RBFOX3: variants seen among roughly 807,000 people sequenced by gnomAD.
The protein encoded by RBFOX3 is RNA binding fox-1 homolog 3, also known as RNA binding protein fox-1 homolog 3.
RBFOX3 carries 17 observed loss-of-function variants against 48.7 expected under a neutral mutation model. The ratio of observed to expected loss-of-function variants is 0.35; its 90% CI spans 0.24 to 0.52. RBFOX3 has a LOEUF of 0.52. RBFOX3 is among the 20% of genes least tolerant of loss of function. The pLI is 0.94. For missense variants in RBFOX3, 382 were observed against 497.5 expected (o/e 0.77, Z 2.21); for synonymous variants, 212 against 209.5 (o/e 1.01, Z -0.10).
rs116946117 is a variant in RBFOX3 at position 79,193,699 on chromosome 17, T to A, written c.-34+42067A>T. 3.5e-3 allele frequency among the ~76,000 whole-genome samples: 532 copies of A among 152,334 alleles called. 3 individuals carry two copies. Among genetic ancestry groups the A allele is most frequent in the Non-Finnish European group, 5.5e-3 (376 of 68,030 alleles). ...AGTGTGGGTAATTGGAAATCCACAC[T>A]GGGAAGACTAGAATCTTTACTGTAT... On this transcript the variant is annotated intron_variant, in intron 4 of 14. Coordinates refer to ENST00000693108, the MANE Select transcript of RBFOX3 (RefSeq NM_001350451.2).
At chr17:79,387,666 G>A (rs12453207) in intron 2 of RBFOX3, among the ~76,000 whole-genome samples, 9,851 of 152,282 alleles carry the variant, frequency 0.065, 400 homozygotes, top group East Asian at 0.19. Flanking sequence ...CCATGTTGTT[G>A]GACTGGGGGC....
intron 2 of RBFOX3, among the ~76,000 whole-genome samples, chr17:79,464,852 G>T (rs762254407): frequency 3.9e-5 from 6 of 152,200 alleles, no homozygotes; most frequent in Non-Finnish European, 8.8e-5. Flanking sequence ...CACAGTGCTC[G>T]CCCTGTTGTG....
At position 79,103,368 on chromosome 17, in the gene RBFOX3, AG is replaced by A; in HGVS notation, c.415-115del. ...GGGGGGCAGGGGAGTGGGGAGAGAG[AG>A]AGAAGGGGTTGAGTCAGGTGAGTTG... On this transcript the variant is annotated intron_variant, in intron 7 of 14. Transcript: ENST00000693108. This position sits in a 1 kb window ranked among gnomAD's most constrained non-coding sequence, Gnocchi z 6.1. 1.4e-6 allele frequency: 1 copy of A among 735,128 alleles called. No homozygotes were observed. Among genetic ancestry groups the A allele is most frequent in the Non-Finnish European group, 2.4e-6 (1 of 423,716 alleles). 45.5% of individuals were successfully genotyped at this position (735,128 alleles called of 1,614,324 possible).
chr17:79,143,381 G>A (rs866268426), intron 4 of RBFOX3, among the ~76,000 whole-genome samples: 5 of 39,520 alleles, frequency 1.3e-4, no homozygotes, highest in Admixed American at 4.7e-4. Flanking sequence ...AGCGGGGGGT[G>A]GGGGGGGGTT....
intron 4 of RBFOX3, among the ~76,000 whole-genome samples, chr17:79,177,268 G>A (rs908543090): frequency 1.4e-4 from 21 of 152,294 alleles, no homozygotes; most frequent in African/African-American, 4.8e-4. Flanking sequence ...CCACCTTTGG[G>A]TTGTGTCCCC....
chr17:79,630,615 C>T, the RBFOX3 span, among the ~76,000 whole-genome samples: 1 of 152,098 alleles, frequency 6.6e-6, no homozygotes, highest in African/African-American at 2.4e-5. Context: ...TCAGGGGCTT[C>T]TCAGGAAAAG....
intron 3 of RBFOX3, among the ~76,000 whole-genome samples, chr17:79,239,469 A>G (rs901378524): frequency 7.9e-5 from 12 of 152,212 alleles, no homozygotes; most frequent in African/African-American, 2.9e-4. Context: ...CCAAGTGCAC[A>G]TGCAGTCACA....
chr17:79,219,035 C>T (rs935538408), intron 4 of RBFOX3, among the ~76,000 whole-genome samples: 2 of 152,244 alleles, frequency 1.3e-5, no homozygotes, highest in Non-Finnish European at 2.9e-5. Flanking sequence ...GCTGGACCCA[C>T]AGTCCAGCTG....
the RBFOX3 span, among the ~76,000 whole-genome samples, chr17:79,632,810 G>A: frequency 6.6e-6 from 1 of 151,982 alleles, no homozygotes; most frequent in Non-Finnish European, 1.5e-5. Flanking sequence ...TACTTAGGAG[G>A]CTAAGTAAGG....
intron 4 of RBFOX3, among the ~76,000 whole-genome samples, chr17:79,129,108 C>G (rs917391205): frequency 2.6e-5 from 4 of 152,142 alleles, no homozygotes; most frequent in African/African-American, 9.7e-5. Context: ...ATGGCAGGTG[C>G]TCAGTAAATG....
chr17:79,659,009 G>A, the RBFOX3 span, among the ~76,000 whole-genome samples: 16 of 152,182 alleles, frequency 1.1e-4, no homozygotes, highest in South Asian at 1.0e-3. Flanking sequence ...AGTGTGGTCC[G>A]GGCAGCTCTT....
chr17:79,611,169 T>TCTCTCTCTCTCTCTCTCGCTCTCG, upstream of RBFOX3, among the ~76,000 whole-genome samples: 73 of 25,926 alleles, frequency 2.8e-3, 10 homozygotes, highest in Non-Finnish European at 4.6e-3. Flanking sequence ...TCTCTCTCTC[T>TCTCTCTCTCTCTCTCTCGCTCTCG]CTCTCCGCCC....
Position 79,094,506 on chromosome 17 carries a change from G to A in RBFOX3, c.1022C>T (p.Ala341Val), listed in dbSNP as rs866305742. 1.4e-6 allele frequency: 2 copies of A among 1,432,028 alleles called. No individual in the cohort carries two copies. The highest frequency in any genetic ancestry group is 1.8e-6 in the Non-Finnish European group (2 of 1,090,018). The allele number at this position is 1,432,028 out of a possible 1,614,324, so 88.7% of individuals were successfully genotyped here. A position where few individuals can be genotyped will look rare whatever the true frequency, so the allele number is the denominator to read the frequency against. The change falls in exon 14 of 15, where the codon GCC (alanine) becomes GTC (valine). Residue 341 changes from alanine (A) to valine (V), a missense_variant. By Grantham distance (64) the Ala-to-Val change is moderately conservative (BLOSUM62 0). Coordinates refer to ENST00000693108, the MANE Select transcript of RBFOX3 (RefSeq NM_001350451.2). ...SDSYGRVYAA[A>V]DPYHHTIGPA... ...CCCGATGGTGTGATGGTACGGGTCG[G>A]CAGCTGCGTAGACTCTGCCGTAACT...
At chr17:79,173,739 C>T (rs1192165734) in intron 4 of RBFOX3, among the ~76,000 whole-genome samples, 1 of 152,122 alleles carries the variant, frequency 6.6e-6, no homozygotes. Context: ...GGATCTCAGA[C>T]TTTGCTGATT....
intron 1 of RBFOX3, among the ~76,000 whole-genome samples, chr17:79,576,919 C>G (rs2092881906): frequency 1.3e-5 from 2 of 152,200 alleles, no homozygotes. Context: ...TCCCCTCCCA[C>G]CTGGCTATGG....
chr17:79,527,955 T>C (rs1014911044), intron 1 of RBFOX3, among the ~76,000 whole-genome samples: 4 of 152,224 alleles, frequency 2.6e-5, no homozygotes, highest in African/African-American at 9.6e-5. Context: ...CAGGGCTTGC[T>C]GTGGATTGAA....
intron 2 of RBFOX3, among the ~76,000 whole-genome samples, chr17:79,360,539 G>A (rs1426149395): frequency 1.3e-5 from 2 of 152,192 alleles, no homozygotes; most frequent in Admixed American, 6.5e-5. Flanking sequence ...TGAAATCCAC[G>A]CAGCCAGCAT....
intron 4 of RBFOX3, among the ~76,000 whole-genome samples, chr17:79,232,198 C>G (rs1423540155): frequency 6.6e-6 from 1 of 152,182 alleles, no homozygotes; most frequent in African/African-American, 2.4e-5. Flanking sequence ...CATATCAATC[C>G]CTCAAACTGA....
chr17:79,551,327 T>C (rs2091123170), intron 1 of RBFOX3, among the ~76,000 whole-genome samples: 2 of 152,014 alleles, frequency 1.3e-5, no homozygotes, highest in Admixed American at 6.6e-5. Context: ...TAACATGTAG[T>C]ATAATTTGGA....
Sources: gnomAD v4.1 joint callset for allele counts (sites outside exome capture counted in the v4.1 genomes callset) on GRCh38, gnomAD v4.1.1 for gene constraint, Gnocchi (gnomAD v3.1) non-coding constraint, MANE v1.5 for transcripts, NCBI Gene and HGNC (gene_info 2026-07-23, HGNC 2026-07-21) for gene names.